NTN1: variants seen among roughly 807,000 people sequenced by gnomAD.
The protein encoded by NTN1 is netrin-1.
In NTN1, 11 loss-of-function variants were observed where a neutral mutation model predicts 54.2. The observed-to-expected ratio is 0.20, with a 90% CI of 0.13 to 0.34. The LOEUF is 0.34. NTN1 is among the 10% of genes least tolerant of loss of function. The pLI is 1.00. For missense variants in NTN1, 740 were observed against 893.1 expected, an observed-to-expected ratio of 0.83 and a Z score of 2.18; for synonymous variants, 371 against 382.0, an observed-to-expected ratio of 0.97 and a Z score of 0.33.
intron 5 of NTN1, among the ~76,000 whole-genome samples, chr17:9,216,459 C>T (rs1187713030): frequency 1.3e-5 from 2 of 152,130 alleles, no homozygotes; most frequent in African/African-American, 4.8e-5. Context: ...TGTTTTTAAG[C>T]TACAGTGACA....
chr17:9,174,855 T>G (rs575922266), intron 3 of NTN1: 2 of 153,100 alleles, frequency 1.3e-5, no homozygotes, highest in African/African-American at 4.8e-5. Flanking sequence ...GCCAGAGGCC[T>G]GGGTGGTGGC....
At chr17:9,012,050 C>T in the NTN1 span, among the ~76,000 whole-genome samples, 55 of 152,246 alleles carry the variant, frequency 3.6e-4, no homozygotes, top group African/African-American at 9.6e-5. Flanking sequence ...CTTCCTCAGA[C>T]GCTATGAAAA....
At chr17:9,136,427 A>G (rs966163452) in intron 2 of NTN1, among the ~76,000 whole-genome samples, 4 of 152,100 alleles carry the variant, frequency 2.6e-5, no homozygotes, top group Non-Finnish European at 5.9e-5. Flanking sequence ...AAATACAAAA[A>G]TTAGCCAGGC....
chr17:9,018,460 C>T (rs376239047), upstream of NTN1, among the ~76,000 whole-genome samples: 22 of 151,930 alleles, frequency 1.4e-4, no homozygotes, highest in South Asian at 4.0e-3. Context: ...GGTGAAACCC[C>T]GTCTCTACTA....
At chr17:9,206,606 G>A (rs964831006) in intron 5 of NTN1, among the ~76,000 whole-genome samples, 3 of 152,300 alleles carry the variant, frequency 2.0e-5, no homozygotes, top group Non-Finnish European at 2.9e-5. Context: ...GGAATGACAC[G>A]GGATGGGCTT....
rs949451258 is a variant in NTN1 at position 9,054,513 on chromosome 17, T to A, written c.1018+31122T>A. Reference sequence around the variant, plus strand: ...TAATGGGGATATTCATCTTGCCTTGTAGAGGGGGGTCTTTTACTGGAATGA... The same window carrying A: ...TAATGGGGATATTCATCTTGCCTTGAAGAGGGGGGTCTTTTACTGGAATGA... On this transcript the variant is annotated intron_variant, in intron 2 of 6. Coordinates refer to ENST00000173229, the MANE Select transcript of NTN1 (RefSeq NM_004822.3). 7.2e-5 allele frequency among the ~76,000 whole-genome samples: 11 copies of A among 152,204 alleles called. 1 individual carries two copies. The highest frequency in any genetic ancestry group is 1.6e-4 in the Non-Finnish European group (11 of 68,036).
chr17:9,096,512 A>T (rs533037860), intron 2 of NTN1, among the ~76,000 whole-genome samples: 9 of 151,636 alleles, frequency 5.9e-5, no homozygotes, highest in Non-Finnish European at 1.2e-4. Context: ...CTGGGAGTAC[A>T]GGTGCCCGCC....
Position 9,221,147 on chromosome 17 carries a change from T to TGGCCCCCCCC in NTN1, c.1412-21_1412-20insGGCCCCCCCC. The TGGCCCCCCCC allele has an allele frequency of 7.7e-7, 1 of 1,303,810 alleles. No individual in the cohort carries two copies. Among genetic ancestry groups the TGGCCCCCCCC allele is most frequent in the Non-Finnish European group, 1.0e-6 (1 of 952,880 alleles). The allele number at this position is 1,303,810 out of a possible 1,614,324, so 80.8% of individuals were successfully genotyped here. A position where few individuals can be genotyped will look rare whatever the true frequency, so the allele number is the denominator to read the frequency against. On this transcript the variant is annotated intron_variant, in intron 5 of 6. Coordinates refer to ENST00000173229, the MANE Select transcript of NTN1 (RefSeq NM_004822.3). The surrounding 1 kb of genome is among the most constrained non-coding windows in gnomAD (Gnocchi z 4.5). ...CAGCCTAATTAGTTTTTGTCTGTGC[T>TGGCCCCCCCC]CCCCCCCCACCCCCCTGCAGACTGC...
chr17:9,032,776 C>T (rs1432923229), intron 2 of NTN1, among the ~76,000 whole-genome samples: 5 of 152,120 alleles, frequency 3.3e-5, no homozygotes, highest in African/African-American at 7.2e-5. Flanking sequence ...GTTTTCCTCT[C>T]CCCGAAGCCA....
chr17:9,157,293 A>G (rs1056288661), intron 2 of NTN1, among the ~76,000 whole-genome samples: 2 of 152,214 alleles, frequency 1.3e-5, no homozygotes, highest in Non-Finnish European at 2.9e-5. Context: ...TGCATTGTCC[A>G]TCTGTGTATC....
At chr17:9,190,806 C>T (rs567385272) in intron 5 of NTN1, among the ~76,000 whole-genome samples, 4 of 151,546 alleles carry the variant, frequency 2.6e-5, no homozygotes, top group East Asian at 2.0e-4. Flanking sequence ...GAGCCGAGAT[C>T]GTGCCACTGC....
At chr17:9,164,462 AAAAG>A (rs2092368202) in intron 3 of NTN1, among the ~76,000 whole-genome samples, 1 of 152,078 alleles carries the variant, frequency 6.6e-6, no homozygotes, top group Admixed American at 6.5e-5. Flanking sequence ...GGGGAAAAAA[AAAAG>A]AAAGTAACAA....
the NTN1 span, among the ~76,000 whole-genome samples, chr17:9,015,535 T>C: frequency 6.6e-6 from 1 of 152,132 alleles, no homozygotes; most frequent in African/African-American, 2.4e-5. Context: ...TCCTCCCTCC[T>C]CACAAACATT....
intron 5 of NTN1, among the ~76,000 whole-genome samples, chr17:9,197,011 G>T (rs1208596702): frequency 6.6e-6 from 1 of 151,548 alleles, no homozygotes; most frequent in Non-Finnish European, 1.5e-5. Context: ...CACTTCGGAA[G>T]TTGACAAATG....
rs1448236798 is a variant in NTN1 at position 9,240,066 on chromosome 17, C to T, written c.*98C>T. On this transcript the variant is annotated 3_prime_UTR_variant, in exon 7 of 7. Transcript: ENST00000173229. The stretch of plus-strand genomic sequence containing the variant: ...CCGCCGCGGACTTGGCCCGCGAGGG[C>T]TTTCCCAGGTGGGGGGAGGGAGGGG... The T allele has an allele frequency of 3.6e-5, 8 of 222,210 alleles. 1 individual carries two copies. Among genetic ancestry groups the T allele is most frequent in the Middle Eastern group, 5.0e-3 (2 of 402 alleles). 13.8% of individuals were successfully genotyped at this position (222,210 alleles called of 1,614,324 possible). A position where few individuals can be genotyped will look rare whatever the true frequency, so the allele number is the denominator to read the frequency against.
intron 5 of NTN1, among the ~76,000 whole-genome samples, chr17:9,208,953 G>A (rs1905033051): frequency 6.6e-6 from 1 of 152,220 alleles, no homozygotes; most frequent in African/African-American, 2.4e-5. Context: ...CTGGCCTCAA[G>A]AGGCCCCAGG....
At chr17:9,161,536 T>C (rs2092357054) in intron 2 of NTN1, among the ~76,000 whole-genome samples, 1 of 152,050 alleles carries the variant, frequency 6.6e-6, no homozygotes, top group South Asian at 2.1e-4. Context: ...TCCCAGCACT[T>C]TGGGAGGCTG....
At chr17:9,194,047 C>T (rs966966453) in intron 5 of NTN1, among the ~76,000 whole-genome samples, 3 of 151,528 alleles carry the variant, frequency 2.0e-5, no homozygotes, top group Non-Finnish European at 2.9e-5. Flanking sequence ...ACCAGCCTGG[C>T]CAACATAGTG....
chr17:9,210,498 A>G (rs1348498954), intron 5 of NTN1, among the ~76,000 whole-genome samples: 2 of 151,928 alleles, frequency 1.3e-5, no homozygotes, highest in African/African-American at 4.8e-5. Flanking sequence ...AGGGGGTAGC[A>G]CTTCTCCACA....
Sources: gnomAD v4.1 joint callset for allele counts (sites outside exome capture counted in the v4.1 genomes callset) on GRCh38, gnomAD v4.1.1 for gene constraint, Gnocchi (gnomAD v3.1) non-coding constraint, MANE v1.5 for transcripts, NCBI Gene and HGNC (gene_info 2026-07-23, HGNC 2026-07-21) for gene names.